The following NUDT3 variants were observed in gnomAD, a reference collection of about 807,000 sequenced individuals.
The protein encoded by NUDT3 is nudix hydrolase 3, also known as diphosphoinositol polyphosphate phosphohydrolase 1.
Under a neutral mutation model 23.6 loss-of-function variants are expected in NUDT3, and 9 were observed. The observed-to-expected ratio is 0.38, with a 90% CI of 0.23 to 0.66. NUDT3 has a LOEUF of 0.66. Ranked by LOEUF, NUDT3 falls within the 30% of genes least tolerant of loss-of-function variation. The probability of loss-of-function intolerance (pLI) is 0.52; values close to 1 mark genes in which losing one functional copy is unlikely to be tolerated. For synonymous variants in NUDT3, 86 were observed against 82.6 expected, an observed-to-expected ratio of 1.04 and a Z score of -0.22; for missense variants, 172 against 218.5, an observed-to-expected ratio of 0.79 and a Z score of 1.34.
chr6:34,392,220 G>C, intron 1 of NUDT3, 44 bp downstream of exon 1: 1 of 1,494,244 alleles, frequency 6.7e-7, no homozygotes, highest in Non-Finnish European at 9.0e-7. Flanking sequence ...ACCCGAAGGG[G>C]CCGGAGACCC....
At chr6:34,359,912 C>T (rs920236338) in intron 1 of NUDT3, among the ~76,000 whole-genome samples, 2 of 150,818 alleles carry the variant, frequency 1.3e-5, no homozygotes, top group African/African-American at 5.0e-5. Flanking sequence ...TTCTCCACAT[C>T]CTCACTAACA....
intron 2 of NUDT3, among the ~76,000 whole-genome samples, chr6:34,295,991 G>C (rs961075184): frequency 6.6e-6 from 1 of 152,192 alleles, no homozygotes; most frequent in Non-Finnish European, 1.5e-5. Context: ...AATATTCTGA[G>C]GTATTGATTA....
intron 2 of NUDT3, among the ~76,000 whole-genome samples, chr6:34,300,788 T>C (rs1348664693): frequency 1.3e-5 from 2 of 152,214 alleles, no homozygotes; most frequent in South Asian, 2.1e-4. Context: ...TTATTATTCG[T>C]AGCTGAAAGG....
At chr6:34,316,913 G>A (rs980572610) in intron 2 of NUDT3, among the ~76,000 whole-genome samples, 1 of 152,154 alleles carries the variant, frequency 6.6e-6, no homozygotes, top group Non-Finnish European at 1.5e-5. Flanking sequence ...CTACTGTGTT[G>A]AAAGTAGTAG....
chr6:34,338,128 C>A (rs1581874595), intron 2 of NUDT3, among the ~76,000 whole-genome samples: 1 of 152,238 alleles, frequency 6.6e-6, no homozygotes, highest in Admixed American at 6.5e-5. Context: ...TGCCTACACC[C>A]TTCTAATTCC....
Position 34,365,432 on chromosome 6 carries a change from A to G in NUDT3, c.100-23460T>C, listed in dbSNP as rs575498076. On this transcript the variant is annotated intron_variant, in intron 1 of 4. Transcript: ENST00000607016. Reference sequence around the variant, plus strand: ...AACAGAGCAAGACTCTGTCTCAAAAATAAATAAAATAAATAAATAAATAAA... The same window carrying G: ...AACAGAGCAAGACTCTGTCTCAAAAGTAAATAAAATAAATAAATAAATAAA... 9.2e-5 allele frequency among the ~76,000 whole-genome samples: 14 copies of G among 152,256 alleles called. No individual in the cohort carries two copies. In the South Asian group the frequency reaches 1.2e-3, roughly 14 times the overall value.
chr6:34,335,908 T>C (rs1259577437), intron 2 of NUDT3, among the ~76,000 whole-genome samples: 1 of 152,116 alleles, frequency 6.6e-6, no homozygotes, highest in Non-Finnish European at 1.5e-5. Flanking sequence ...TTATTATTAA[T>C]TTTTATTGAC....
At chr6:34,356,864 G>A (rs1363658720) in intron 1 of NUDT3, among the ~76,000 whole-genome samples, 3 of 152,170 alleles carry the variant, frequency 2.0e-5, no homozygotes, top group East Asian at 1.9e-4. Context: ...TGCAAGCTCC[G>A]CCTTACAGGT....
chr6:34,358,813 T>C (rs1025558178), intron 1 of NUDT3, among the ~76,000 whole-genome samples: 2 of 151,406 alleles, frequency 1.3e-5, no homozygotes, highest in Non-Finnish European at 2.9e-5. Flanking sequence ...CTTACAAACA[T>C]GAGAACAAAA....
chr6:34,295,577 CTA>C, intron 3 of NUDT3, 62 bp downstream of exon 3: 1 of 1,529,012 alleles, frequency 6.5e-7, no homozygotes, highest in South Asian at 1.2e-5. Context: ...GGCATTTTTC[CTA>C]TGTTAATATC....
chr6:34,335,278 C>CG (rs1264386509), intron 2 of NUDT3, among the ~76,000 whole-genome samples: 2 of 152,102 alleles, frequency 1.3e-5, no homozygotes, highest in African/African-American at 4.8e-5. Flanking sequence ...CAAAAGTGAA[C>CG]GGGGTCAGTG....
In NUDT3 at chr6:34,285,892, T is replaced by G. The variant is rs926683622; in HGVS notation, c.*2861A>C. 6.6e-6 allele frequency: 1 copy of G among 152,196 alleles called. No individual in the cohort carries two copies. The highest frequency in any genetic ancestry group is 2.4e-5 in the African/African-American group (1 of 41,446). 9.4% of individuals were successfully genotyped at this position (152,196 alleles called of 1,614,324 possible). ...GCGTAAGCACAATCTCTCAGTCAAT[T>G]GCATTAACAGGAATCCATTCATGTC... is the stretch of plus-strand genomic sequence containing the variant. On this transcript the variant is annotated 3_prime_UTR_variant, in exon 5 of 5. Transcript: ENST00000607016.
chr6:34,334,988 A>G (rs1390206637), intron 2 of NUDT3, among the ~76,000 whole-genome samples: 4 of 151,696 alleles, frequency 2.6e-5, no homozygotes, highest in Non-Finnish European at 5.9e-5. Context: ...AAAGAGAGAG[A>G]AGAGAGAGAG....
At chr6:34,303,218 TTTTTTTTTTG>T (rs1763627818) in intron 2 of NUDT3, among the ~76,000 whole-genome samples, 1 of 147,028 alleles carries the variant, frequency 6.8e-6, no homozygotes, top group African/African-American at 2.5e-5. Context: ...TTTTTTTTTT[TTTTTTTTTTG>T]TAGAATTGGG....
At chr6:34,304,365 G>T (rs1444869598) in intron 2 of NUDT3, among the ~76,000 whole-genome samples, 2 of 151,264 alleles carry the variant, frequency 1.3e-5, no homozygotes, top group Non-Finnish European at 2.9e-5. Flanking sequence ...AGGAGTTCAA[G>T]ACCAGCCTGG....
intron 1 of NUDT3, among the ~76,000 whole-genome samples, chr6:34,355,211 T>C (rs927991493): frequency 6.6e-6 from 1 of 152,208 alleles, no homozygotes; most frequent in African/African-American, 2.4e-5. Flanking sequence ...AGTGCTGAGA[T>C]TGTTTTTTAA....
chr6:34,344,899 C>A (rs543083613), intron 1 of NUDT3, among the ~76,000 whole-genome samples: 83 of 152,010 alleles, frequency 5.5e-4, no homozygotes, highest in African/African-American at 1.8e-3. Flanking sequence ...GATCCACCCA[C>A]CTCGGCCTGC....
chr6:34,332,623 C>CA lies in NUDT3; in HGVS notation c.210+9238dup, dbSNP rs199897181. Among the ~76,000 whole-genome samples, 662 of 152,236 alleles carry CA rather than the reference C, an allele frequency of 4.3e-3. 5 individuals carry two copies. Among genetic ancestry groups the CA allele is most frequent in the African/African-American group, 0.015 (628 of 41,542 alleles). On this transcript the variant is annotated intron_variant, in intron 2 of 4. Transcript: ENST00000607016. ...TTTACATTGCATGAGGTAGCATAAGCAATCTACAAATGATCTAAAGTATAT... is the reference window on the plus strand; with the variant it reads ...TTTACATTGCATGAGGTAGCATAAGCAAATCTACAAATGATCTAAAGTATAT...
Position 34,392,488 on chromosome 6 carries a change from C to T in NUDT3, c.-126G>A, listed in dbSNP as rs989548758. Reference sequence around the variant, plus strand: ...GGGAAGCAGGGAGGGGGAGCTTCTCCGCTACACGGCTCCGCCGCTGGCCCG... The same window carrying T: ...GGGAAGCAGGGAGGGGGAGCTTCTCTGCTACACGGCTCCGCCGCTGGCCCG... On this transcript the variant is annotated 5_prime_UTR_variant, in exon 1 of 5. Transcript: ENST00000607016. The T allele has an allele frequency of 5.9e-5, 34 of 580,672 alleles. No individual in the cohort carries two copies. The highest frequency in any genetic ancestry group is 7.6e-5 in the Non-Finnish European group (26 of 342,800). The allele number at this position is 580,672 out of a possible 1,614,324, so 36.0% of individuals were successfully genotyped here.
Sources: gnomAD v4.1 joint callset for allele counts (sites outside exome capture counted in the v4.1 genomes callset) on GRCh38, gnomAD v4.1.1 for gene constraint, MANE v1.5 for transcripts, NCBI Gene and HGNC (gene_info 2026-07-23, HGNC 2026-07-21) for gene names.